Variants in MAGI2 observed in about 807,000 individuals in gnomAD.
The protein encoded by MAGI2 is membrane associated guanylate kinase, WW and PDZ domain containing 2.
Under a neutral mutation model 133.3 loss-of-function variants are expected in MAGI2, and 35 were observed. The ratio of observed to expected loss-of-function variants is 0.26; its 90% confidence interval spans 0.20 to 0.35. The LOEUF is 0.35. Ranked by LOEUF, MAGI2 falls within the 10% of genes least tolerant of loss-of-function variation. MAGI2 has a pLI of 1.00. For synonymous variants in MAGI2, 729 were observed against 710.6 expected (o/e 1.03, Z -0.41); for missense variants, 1,636 against 1,863.4 (o/e 0.88, Z 2.25).
intron 21 of MAGI2, among the ~76,000 whole-genome samples, chr7:78,075,966 T>G (rs981179504): frequency 3.9e-5 from 6 of 152,270 alleles, no homozygotes; most frequent in African/African-American, 1.4e-4. Flanking sequence ...GATTGTTCTA[T>G]GCTATTAAGT....
At chr7:79,230,413 G>A (rs1275294714) in intron 1 of MAGI2, among the ~76,000 whole-genome samples, 1 of 151,634 alleles carries the variant, frequency 6.6e-6, no homozygotes, top group Non-Finnish European at 1.5e-5. Context: ...CACCAACAGT[G>A]TAAAAGTGTT....
chr7:78,263,271 A>G (rs1793689601), intron 9 of MAGI2, among the ~76,000 whole-genome samples: 1 of 152,200 alleles, frequency 6.6e-6, no homozygotes, highest in South Asian at 2.1e-4. Flanking sequence ...AGAGCACTGC[A>G]ATGAACATAT....
At chr7:78,532,198 T>C (rs1485253185) in intron 3 of MAGI2, among the ~76,000 whole-genome samples, 2 of 152,212 alleles carry the variant, frequency 1.3e-5, no homozygotes, top group African/African-American at 4.8e-5. Flanking sequence ...TCCAAAATTC[T>C]GTAATGAAAA....
At chr7:79,228,275 C>A (rs2129553979) in intron 1 of MAGI2, among the ~76,000 whole-genome samples, 1 of 142,132 alleles carries the variant, frequency 7.0e-6, no homozygotes, top group Non-Finnish European at 1.5e-5. Flanking sequence ...CCCGGGAGTT[C>A]AAGGTTGCAG....
At chr7:78,469,575 T>C (rs374595677) in intron 6 of MAGI2, among the ~76,000 whole-genome samples, 7 of 152,328 alleles carry the variant, frequency 4.6e-5, no homozygotes, top group African/African-American at 1.7e-4. Context: ...AGACTGGTTA[T>C]GCCACATGCA....
intron 10 of MAGI2, among the ~76,000 whole-genome samples, chr7:78,218,711 G>T (rs750113349): frequency 4.5e-4 from 69 of 152,232 alleles, no homozygotes; most frequent in Non-Finnish European, 9.4e-4. Flanking sequence ...GTGTGTTTGT[G>T]TCACCTGGAC....
chr7:79,339,794 T>C (rs1319457409), intron 1 of MAGI2, among the ~76,000 whole-genome samples: 1 of 152,144 alleles, frequency 6.6e-6, no homozygotes, highest in Non-Finnish European at 1.5e-5. Context: ...GGCTTAAACT[T>C]TGTTTCCTTG....
intron 6 of MAGI2, chr7:78,486,546 C>A (rs1793026650): frequency 4.4e-6 from 1 of 228,774 alleles, no homozygotes; most frequent in South Asian, 7.8e-5. Context: ...GATGAGGCCA[C>A]CTGACATGTT....
At chr7:78,774,883 C>T (rs765579737) in intron 2 of MAGI2, among the ~76,000 whole-genome samples, 28 of 151,994 alleles carry the variant, frequency 1.8e-4, no homozygotes, top group Admixed American at 1.4e-3. Flanking sequence ...AAAAAGTCAC[C>T]GCAGAAGAAT....
rs147615305 is a variant in MAGI2, at chr7:78,784,916, C to T, written c.419-157677G>A. On this transcript the variant is annotated intron_variant, in intron 2 of 21. Coordinates refer to ENST00000354212, the MANE Select transcript of MAGI2 (RefSeq NM_012301.4). ...AGGTATAATCTTTCCATCTCTACAC[C>T]CTTAAATAATGCAATAGCTTAGAAC... Among the ~76,000 whole-genome samples the T allele has an allele frequency of 1.2e-4, 18 of 152,216 alleles. No homozygotes were observed. In the East Asian group the frequency reaches 2.9e-3, roughly 25 times the overall value.
chr7:78,514,900 T>C (rs1000754541), intron 4 of MAGI2, among the ~76,000 whole-genome samples: 2 of 152,174 alleles, frequency 1.3e-5, no homozygotes, highest in African/African-American at 2.4e-5. Flanking sequence ...TTTGCACTAA[T>C]TGCAGGCTTG....
chr7:79,248,856 T>TTTATG (rs2129555527), intron 1 of MAGI2, among the ~76,000 whole-genome samples: 1 of 151,748 alleles, frequency 6.6e-6, no homozygotes. Flanking sequence ...TTTATTTTAT[T>TTTATG]TTATTTTATT....
intron 6 of MAGI2, among the ~76,000 whole-genome samples, chr7:78,401,497 C>T (rs1023439855): frequency 1.3e-5 from 2 of 152,032 alleles, no homozygotes; most frequent in African/African-American, 4.8e-5. Context: ...GTTGAACCAA[C>T]TCTTGTGCCC....
chr7:78,144,014 T>C (rs2150564572), intron 16 of MAGI2, among the ~76,000 whole-genome samples: 1 of 152,054 alleles, frequency 6.6e-6, no homozygotes, highest in South Asian at 2.1e-4. Context: ...CACTACCAAT[T>C]GCTCTCAATA....
chr7:79,410,143 C>T (rs537072067), intron 1 of MAGI2: 2 of 152,174 alleles, frequency 1.3e-5, no homozygotes, highest in East Asian at 3.9e-4. Context: ...AGGCGACATT[C>T]TAAGTGTTTT....
rs1428857557 is a variant in MAGI2, at chr7:78,861,073, G to A, written c.418+146017C>T. Among the ~76,000 whole-genome samples, 8 of 152,158 alleles carry A rather than the reference G, an allele frequency of 5.3e-5. No individual in the cohort carries two copies. The East Asian group carries it at 5.8e-4, about 11-fold the overall frequency. On this transcript the variant is annotated intron_variant, in intron 2 of 21. Transcript: ENST00000354212. ...ATGGGATATAATCTCCTGGTGTGCC[G>A]TTTGCTAAGGCCATTGGAAAAGTGC...
chr7:78,395,602 G>T lies in MAGI2; in HGVS notation c.1046-26389C>A, dbSNP rs140847717. ...TGACCCAACGCAGAAACCCTATTCT[G>T]TAATTCAGCAGTATAGATATTATCA... On this transcript the variant is annotated intron_variant, in intron 6 of 21. Transcript: ENST00000354212. Among the ~76,000 whole-genome samples, 195 of 152,296 alleles carry T rather than the reference G, an allele frequency of 1.3e-3. 1 individual carries two copies. The highest frequency in any genetic ancestry group is 4.3e-3 in the African/African-American group (180 of 41,552).
chr7:78,305,715 C>T (rs1798198353), intron 9 of MAGI2, among the ~76,000 whole-genome samples: 1 of 152,148 alleles, frequency 6.6e-6, no homozygotes, highest in African/African-American at 2.4e-5. Context: ...GAACTGTATA[C>T]ATGAAAGAGC....
intron 2 of MAGI2, among the ~76,000 whole-genome samples, chr7:78,932,269 A>G (rs868458870): frequency 6.6e-6 from 1 of 152,094 alleles, no homozygotes; most frequent in African/African-American, 2.4e-5. Flanking sequence ...GATATTGTTG[A>G]TAATGTCAAA....
Sources: allele counts gnomAD v4.1 joint callset (sites outside exome capture counted in the v4.1 genomes callset), GRCh38; gene constraint gnomAD v4.1.1; transcripts MANE v1.5; gene names NCBI Gene and HGNC (gene_info 2026-07-23, HGNC 2026-07-21).